DCC: variants seen among roughly 807,000 people sequenced by gnomAD.
The protein encoded by DCC is DCC netrin 1 receptor.
Under a neutral mutation model 172.5 loss-of-function variants are expected in DCC, and 58 were observed. The ratio of observed to expected loss-of-function variants is 0.34; its 90% CI spans 0.27 to 0.42. The LOEUF is 0.42. DCC is among the 10% of genes least tolerant of loss of function. The pLI is 1.00. For synonymous variants in DCC, 709 were observed against 644.5 expected (o/e 1.10, Z -1.52); for missense variants, 1,740 against 1,791.0 (o/e 0.97, Z 0.51).
intron 2 of DCC, among the ~76,000 whole-genome samples, chr18:52,824,953 G>A (rs2038483142): frequency 6.9e-6 from 1 of 144,224 alleles, no homozygotes; most frequent in African/African-American, 2.5e-5. Context: ...CTGGGCAACA[G>A]AGCGAGACTC....
intron 1 of DCC, among the ~76,000 whole-genome samples, chr18:52,478,716 C>G (rs1989167657): frequency 6.6e-6 from 1 of 152,140 alleles, no homozygotes; most frequent in Non-Finnish European, 1.5e-5. Flanking sequence ...GAGAGATCAT[C>G]AGGGGAGATG....
intron 1 of DCC, among the ~76,000 whole-genome samples, chr18:52,568,351 A>G (rs1568233270): frequency 6.6e-6 from 1 of 152,196 alleles, no homozygotes; most frequent in Non-Finnish European, 1.5e-5. Context: ...AAATGGATAA[A>G]CAAACTGATA....
chr18:53,255,472 T>A (rs2056495287), intron 12 of DCC, among the ~76,000 whole-genome samples: 2 of 150,240 alleles, frequency 1.3e-5, no homozygotes, highest in African/African-American at 4.9e-5. Flanking sequence ...GGTGTTTGGT[T>A]TTTTGTCTTG....
chr18:53,158,988 C>CAAAAAAAAAAAAAAAAAA (rs558049091), intron 8 of DCC, among the ~76,000 whole-genome samples: 15 of 52,368 alleles, frequency 2.9e-4, no homozygotes, highest in African/African-American at 8.4e-4. Context: ...GACGCCATCT[C>CAAAAAAAAAAAAAAAAAA]AAAAAAAAAA....
chr18:53,155,595 A>G (rs1472318132), intron 7 of DCC, among the ~76,000 whole-genome samples: 7 of 152,348 alleles, frequency 4.6e-5, no homozygotes, highest in African/African-American at 9.6e-5. Context: ...CAGTTTTTTA[A>G]TTGTGAATAA....
intron 15 of DCC, among the ~76,000 whole-genome samples, chr18:53,364,050 C>G (rs1257264812): frequency 1.3e-5 from 2 of 152,074 alleles, no homozygotes; most frequent in Admixed American, 6.6e-5. Context: ...AGTTTAATGC[C>G]ATAAATCAGC....
chr18:53,242,436 T>A (rs1366009723), intron 12 of DCC, among the ~76,000 whole-genome samples: 1 of 152,168 alleles, frequency 6.6e-6, no homozygotes, highest in Non-Finnish European at 1.5e-5. Context: ...TCAATCGATA[T>A]CTGCTCCATT....
chr18:53,491,723 T>C (rs756871295), intron 26 of DCC, among the ~76,000 whole-genome samples: 9 of 152,206 alleles, frequency 5.9e-5, no homozygotes, highest in Non-Finnish European at 1.2e-4. Context: ...ATCCAGTCCA[T>C]CGTTGATGGG....
At chr18:52,944,082 A>C (rs1055993272) in intron 5 of DCC, among the ~76,000 whole-genome samples, 2 of 152,202 alleles carry the variant, frequency 1.3e-5, no homozygotes, top group South Asian at 2.1e-4. Context: ...TAATGAAAAT[A>C]TCAAAGTTTG....
In DCC at chr18:53,250,889, T is replaced by G. The variant is rs553241773; in HGVS notation, c.1911+35292T>G. Among the ~76,000 whole-genome samples the G allele has an allele frequency of 3.9e-5, 6 of 152,064 alleles. No homozygotes were observed. The East Asian group carries it at 1.2e-3, about 29-fold the overall frequency. ...TACTATCTGGCTTCTGCTGCATCAT[T>G]TTCCTAAACCTGTTCTCATCGAGGT... On this transcript the variant is annotated intron_variant, in intron 12 of 28. Coordinates refer to ENST00000442544, the MANE Select transcript of DCC (RefSeq NM_005215.4).
chr18:52,640,195 A>G (rs932794833), intron 1 of DCC, among the ~76,000 whole-genome samples: 4 of 152,174 alleles, frequency 2.6e-5, no homozygotes, highest in Admixed American at 1.3e-4. Context: ...AAATTGGCAT[A>G]CAAGGGACAT....
chr18:52,932,621 C>CA (rs901254872), intron 5 of DCC, among the ~76,000 whole-genome samples: 1 of 152,106 alleles, frequency 6.6e-6, no homozygotes, highest in Non-Finnish European at 1.5e-5. Context: ...TGTAGCAACA[C>CA]AAAAAACTTG....
At chr18:53,429,918 C>G (rs1424464314) in intron 21 of DCC, among the ~76,000 whole-genome samples, 1 of 151,990 alleles carries the variant, frequency 6.6e-6, no homozygotes, top group South Asian at 2.1e-4. Flanking sequence ...TTGAAATATC[C>G]TACGTGTTGG....
intron 12 of DCC, among the ~76,000 whole-genome samples, chr18:53,227,556 A>G (rs561569969): frequency 2.0e-5 from 3 of 152,344 alleles, no homozygotes; most frequent in South Asian, 4.1e-4. Flanking sequence ...AGCATTTTGT[A>G]TAAAGTGTAT....
At chr18:53,487,053 A>G (rs2045909738) in intron 26 of DCC, 95 bp downstream of exon 26, 1 of 1,514,638 alleles carries the variant, frequency 6.6e-7, no homozygotes, top group East Asian at 2.3e-5. Context: ...CCCTTAGAAA[A>G]GTTGATTTCC....
chr18:52,796,480 A>T (rs922471580), intron 2 of DCC, among the ~76,000 whole-genome samples: 2 of 152,072 alleles, frequency 1.3e-5, no homozygotes. Context: ...GGACTATTTT[A>T]AACATTTTTT....
At chr18:52,737,183 A>G (rs777080922) in intron 1 of DCC, among the ~76,000 whole-genome samples, 15 of 152,136 alleles carry the variant, frequency 9.9e-5, no homozygotes, top group Non-Finnish European at 2.1e-4. Context: ...CGTGAAAGGA[A>G]TTTGTTAAAG....
chr18:53,085,512 C>CT (rs2042865025), intron 7 of DCC, among the ~76,000 whole-genome samples: 1 of 152,070 alleles, frequency 6.6e-6, no homozygotes, highest in African/African-American at 2.4e-5. Context: ...CCCAAATCAC[C>CT]TAGTCACCGT....
chr18:52,666,873 T>TC (rs1421269608), intron 1 of DCC, among the ~76,000 whole-genome samples: 1 of 152,218 alleles, frequency 6.6e-6, no homozygotes, highest in Non-Finnish European at 1.5e-5. Context: ...TACTTTTTTT[T>TC]CCTCAGAAAT....
Sources: allele counts gnomAD v4.1 joint callset (sites outside exome capture counted in the v4.1 genomes callset), GRCh38; gene constraint gnomAD v4.1.1; transcripts MANE v1.5; gene names NCBI Gene and HGNC (gene_info 2026-07-23, HGNC 2026-07-21).